Variants in KDM4C observed in about 807,000 individuals in gnomAD.
KDM4C encodes the protein lysine-specific demethylase 4C.
In KDM4C, 81 loss-of-function variants were observed where a neutral mutation model predicts 129.3. The ratio of observed to expected loss-of-function variants is 0.63; its 90% confidence interval spans 0.52 to 0.75. The LOEUF (loss-of-function observed/expected upper bound fraction) is 0.75. Ranked by LOEUF, KDM4C falls within the 30% of genes least tolerant of loss-of-function variation. The pLI, the probability that KDM4C is intolerant of heterozygous loss-of-function variation, is 0.00. For missense variants in KDM4C, 1,457 were observed against 1,304.0 expected (o/e 1.12, Z -1.81); for synonymous variants, 573 against 456.1 (o/e 1.26, Z -3.26).
intron 17 of KDM4C, among the ~76,000 whole-genome samples, chr9:7,062,849 A>T (rs1587370591): frequency 6.6e-6 from 1 of 152,146 alleles, no homozygotes; most frequent in South Asian, 2.1e-4. Flanking sequence ...ACACAATGCT[A>T]TTGACTTCTT....
intron 17 of KDM4C, 34 bp downstream of exon 17, chr9:7,049,234 T>A (rs763793019): frequency 8.8e-7 from 1 of 1,142,040 alleles, no homozygotes; most frequent in Non-Finnish European, 1.3e-6. Context: ...ACCTCATAAA[T>A]TAGTGTTAAT....
chr9:6,732,810 C>T (rs924439045), intron 1 of KDM4C, among the ~76,000 whole-genome samples: 19 of 151,920 alleles, frequency 1.3e-4, no homozygotes, highest in African/African-American at 4.4e-4. Flanking sequence ...GTCAGGAGTT[C>T]GAGACCAGCC....
At chr9:7,113,370 T>G (rs1319341505) in intron 18 of KDM4C, among the ~76,000 whole-genome samples, 1 of 152,254 alleles carries the variant, frequency 6.6e-6, no homozygotes, top group African/African-American at 2.4e-5. Flanking sequence ...ATCTTTCTCT[T>G]ATTCACATTA....
intron 12 of KDM4C, among the ~76,000 whole-genome samples, chr9:7,007,298 A>G (rs10975968): frequency 0.013 from 1,989 of 152,110 alleles, 21 homozygotes; most frequent in East Asian, 0.028. Context: ...AGGAATGACA[A>G]TGTTTTTGTA....
intron 5 of KDM4C, among the ~76,000 whole-genome samples, chr9:6,861,457 G>T (rs1451662015): frequency 1.3e-5 from 2 of 152,202 alleles, no homozygotes; most frequent in Non-Finnish European, 2.9e-5. Flanking sequence ...CATCCTGTGT[G>T]ATGCCTTGAT....
intron 8 of KDM4C, among the ~76,000 whole-genome samples, chr9:6,929,579 C>T (rs1443166401): frequency 6.7e-6 from 1 of 149,614 alleles, no homozygotes; most frequent in Non-Finnish European, 1.5e-5. Context: ...TAGGTAAGTG[C>T]TACTCTTCCC....
chr9:7,028,168 TG>T (rs1826110225), intron 15 of KDM4C, among the ~76,000 whole-genome samples: 1 of 152,064 alleles, frequency 6.6e-6, no homozygotes, highest in Non-Finnish European at 1.5e-5. Context: ...TCTCTCCTTG[TG>T]GCCACCATTA....
At chr9:7,003,813 A>G (rs181318825) in intron 12 of KDM4C, among the ~76,000 whole-genome samples, 140 of 152,304 alleles carry the variant, frequency 9.2e-4, no homozygotes, top group Admixed American at 1.6e-3. Flanking sequence ...AATCACTTAA[A>G]TATAGTTTCA....
At chr9:7,166,829 A>G (rs985166058) in intron 20 of KDM4C, among the ~76,000 whole-genome samples, 3 of 152,186 alleles carry the variant, frequency 2.0e-5, no homozygotes, top group African/African-American at 7.2e-5. Context: ...TATCAACATA[A>G]AACTATGAGC....
intron 17 of KDM4C, among the ~76,000 whole-genome samples, chr9:7,069,330 A>G (rs1303477992): frequency 6.6e-6 from 1 of 152,222 alleles, no homozygotes; most frequent in Non-Finnish European, 1.5e-5. Context: ...TCTCATACAT[A>G]GAATATTACG....
At chr9:6,828,297 A>C (rs1413308815) in intron 4 of KDM4C, among the ~76,000 whole-genome samples, 1 of 151,886 alleles carries the variant, frequency 6.6e-6, no homozygotes, top group Non-Finnish European at 1.5e-5. Flanking sequence ...ACAGGAGCCC[A>C]CCACAACGCC....
chr9:6,903,191 A>G (rs1557004), intron 8 of KDM4C, among the ~76,000 whole-genome samples: 78,083 of 151,990 alleles, frequency 0.51, 20,204 homozygotes, highest in Middle Eastern at 0.61. Flanking sequence ...TTTTGGCAGC[A>G]TATTCCCAGT....
upstream of KDM4C, among the ~76,000 whole-genome samples, chr9:6,755,287 C>T (rs1404951523): frequency 2.6e-5 from 4 of 152,098 alleles, no homozygotes; most frequent in Non-Finnish European, 5.9e-5. Context: ...AGCAGAATGC[C>T]GTGAACCCAG....
intron 1 of KDM4C, among the ~76,000 whole-genome samples, chr9:6,781,754 C>CTCTAT (rs1824389950): frequency 6.6e-6 from 1 of 151,892 alleles, no homozygotes; most frequent in Non-Finnish European, 1.5e-5. Context: ...TTTTTCATTG[C>CTCTAT]GCTATGCGTG....
At chr9:6,959,260 T>C (rs1461240311) in intron 8 of KDM4C, among the ~76,000 whole-genome samples, 1 of 152,204 alleles carries the variant, frequency 6.6e-6, no homozygotes. Context: ...CACCATGTAG[T>C]CCCAGATGTT....
chr9:6,819,545 G>C lies in KDM4C; in HGVS notation c.435+4800G>C, dbSNP rs140001770. On this transcript the variant is annotated intron_variant, in intron 4 of 21. Coordinates refer to ENST00000381309, the MANE Select transcript of KDM4C (RefSeq NM_015061.6). ...GAAGCATTTAGCAGCTCCTGAGTTG[G>C]ACTGACATTTTCATGCTTTTGTAGC... 7.2e-5 allele frequency among the ~76,000 whole-genome samples: 11 copies of C among 152,306 alleles called. No individual in the cohort carries two copies. The East Asian group carries it at 2.1e-3, about 29-fold the overall frequency.
chr9:6,905,977 T>C (rs1818241614), intron 8 of KDM4C, among the ~76,000 whole-genome samples: 1 of 152,078 alleles, frequency 6.6e-6, no homozygotes, highest in South Asian at 2.1e-4. Flanking sequence ...ATCCAGGCTT[T>C]GAGTTGTGGA....
intron 8 of KDM4C, among the ~76,000 whole-genome samples, chr9:6,916,524 T>G (rs1230497888): frequency 6.6e-6 from 1 of 152,154 alleles, no homozygotes; most frequent in Non-Finnish European, 1.5e-5. Context: ...CCTCCCAAAG[T>G]GCTGGGATTA....
At chr9:6,819,989 T>G (rs2131203619) in intron 4 of KDM4C, among the ~76,000 whole-genome samples, 1 of 152,064 alleles carries the variant, frequency 6.6e-6, no homozygotes, top group Middle Eastern at 3.4e-3. Flanking sequence ...ACCTTAATCT[T>G]AAAAGAATGG....
Sources: gnomAD v4.1 joint callset for allele counts (sites outside exome capture counted in the v4.1 genomes callset) on GRCh38, gnomAD v4.1.1 for gene constraint, MANE v1.5 for transcripts, NCBI Gene and HGNC (gene_info 2026-07-23, HGNC 2026-07-21) for gene names.